Variants in SPIRE1 observed in about 807,000 individuals in gnomAD.
The protein encoded by SPIRE1 is spire type actin nucleation factor 1.
A neutral mutation model predicts 94.1 loss-of-function variants in SPIRE1; 40 were observed. That is an observed-to-expected ratio of 0.43 (90% CI 0.33 to 0.55). The LOEUF is 0.55. Among genes scored for constraint, SPIRE1 ranks in the 20% least tolerant of loss-of-function variants. SPIRE1 has a pLI of 0.06. For missense variants in SPIRE1, 838 were observed against 975.2 expected (o/e 0.86, Z 1.87); for synonymous variants, 376 against 371.7 (o/e 1.01, Z -0.13).
At position 12,450,720 on chromosome 18, in the gene SPIRE1, C is replaced by T. The variant is rs182906878; in HGVS notation, c.2013-824G>A. 2.3e-3 allele frequency: 1,500 copies of T among 657,588 alleles called. 3 individuals carry two copies. Among genetic ancestry groups the T allele is most frequent in the Non-Finnish European group, 3.4e-3 (1,232 of 366,664 alleles). 40.7% of individuals were successfully genotyped at this position (657,588 alleles called of 1,614,324 possible). ...GGCAAGAAGAAGGATCCTAATGCCC[C>T]GAAAAAGCCACCGTCTGGATTCTTC... On this transcript the variant is annotated intron_variant, in intron 16 of 16. Transcript: ENST00000409402.
chr18:12,609,411 A>C (rs2037076354), intron 2 of SPIRE1, among the ~76,000 whole-genome samples: 1 of 151,870 alleles, frequency 6.6e-6, no homozygotes, highest in Non-Finnish European at 1.5e-5. Context: ...GGGAGTACTT[A>C]TAGCACAGAA....
rs1167909612 is a variant in SPIRE1, at chr18:12,576,685, C to T, written c.373-29781G>A. 6.0e-5 allele frequency among the ~76,000 whole-genome samples: 9 copies of T among 150,584 alleles called. No individual in the cohort carries two copies. The South Asian group carries it at 8.3e-4, about 14-fold the overall frequency. ...CGGGCAGATCACGAGGTCAGGAGAT[C>T]GAGACCATCCTGGCTAACACGGTGA... On this transcript the variant is annotated intron_variant, in intron 2 of 16. Coordinates refer to ENST00000409402, the MANE Select transcript of SPIRE1 (RefSeq NM_001128626.2).
chr18:12,548,607 T>TC (rs2035241546), intron 2 of SPIRE1, among the ~76,000 whole-genome samples: 2 of 151,548 alleles, frequency 1.3e-5, no homozygotes, highest in African/African-American at 4.8e-5. Flanking sequence ...TTTCTTTCTT[T>TC]TTTTTTTTTT....
At chr18:12,489,945 A>C (rs2033174515) in intron 8 of SPIRE1, among the ~76,000 whole-genome samples, 1 of 152,208 alleles carries the variant, frequency 6.6e-6, no homozygotes, top group Non-Finnish European at 1.5e-5. Flanking sequence ...CATGTAGGGG[A>C]AAGTGATACA....
chr18:12,508,592 TG>T (rs1444471601), intron 5 of SPIRE1, among the ~76,000 whole-genome samples: 2 of 152,148 alleles, frequency 1.3e-5, no homozygotes, highest in Non-Finnish European at 2.9e-5. Context: ...AGTCTCCCTT[TG>T]GGCTTTAAAT....
chr18:12,549,683 T>C (rs1196752624), intron 2 of SPIRE1, among the ~76,000 whole-genome samples: 1 of 151,858 alleles, frequency 6.6e-6, no homozygotes, highest in East Asian at 1.9e-4. Flanking sequence ...TCTCCTGACC[T>C]CGTGATCCGC....
chr18:12,497,313 T>A (rs73403752), intron 6 of SPIRE1, among the ~76,000 whole-genome samples: 6,506 of 148,964 alleles, frequency 0.044, 151 homozygotes, highest in South Asian at 0.093. Flanking sequence ...TTTTTAGAAA[T>A]TTTTTTTTTA....
intron 1 of SPIRE1, among the ~76,000 whole-genome samples, chr18:12,646,368 T>A (rs1054698540): frequency 6.6e-6 from 1 of 152,192 alleles, no homozygotes; most frequent in Non-Finnish European, 1.5e-5. Context: ...CTGTACTGTG[T>A]TAGTTTCTCC....
intron 2 of SPIRE1, among the ~76,000 whole-genome samples, chr18:12,591,476 C>T (rs751484567): frequency 1.3e-5 from 2 of 152,092 alleles, no homozygotes; most frequent in Admixed American, 6.5e-5. Context: ...TGACACATGA[C>T]GTTACATGAC....
intron 3 of SPIRE1, among the ~76,000 whole-genome samples, chr18:12,539,793 C>T (rs941319306): frequency 1.3e-5 from 2 of 151,374 alleles, no homozygotes; most frequent in Non-Finnish European, 2.9e-5. Flanking sequence ...GACATGGTGG[C>T]GAGTGCACCA....
Position 12,639,654 on chromosome 18 carries a change from C to G in SPIRE1, c.338-4558G>C, listed in dbSNP as rs138760171. 9.0e-3 allele frequency among the ~76,000 whole-genome samples: 1,363 copies of G among 152,106 alleles called. 9 individuals are homozygous for G. Among genetic ancestry groups the G allele is most frequent in the Admixed American group, 0.015 (228 of 15,274 alleles). ...GACTGAGGCAGAGAATTGCTTGAACCCAGGAGGCGGAGGTTGCAGTGAGCA... is the reference window on the plus strand; with the variant it reads ...GACTGAGGCAGAGAATTGCTTGAACGCAGGAGGCGGAGGTTGCAGTGAGCA... On this transcript the variant is annotated intron_variant, in intron 1 of 16. Coordinates refer to ENST00000409402, the MANE Select transcript of SPIRE1 (RefSeq NM_001128626.2).
In SPIRE1 at chr18:12,657,781, G is replaced by A. The variant is rs2038595660; in HGVS notation, c.86C>T (p.Ala29Val). The change falls in exon 1 of 17, where the codon GCC (alanine) becomes GTC (valine). Residue 29 changes from alanine (A) to valine (V), a missense_variant. By Grantham distance (64) the Ala-to-Val change is moderately conservative. Around this residue, in one of 2 missense-constraint regions of SPIRE1, gnomAD observed 193 missense variants for 170.5 expected, o/e 1.13. Coordinates refer to ENST00000409402, the MANE Select transcript of SPIRE1 (RefSeq NM_001128626.2). ...GGEGPREPGA[A>V]GGAAGGSRDA... The stretch of plus-strand genomic sequence containing the variant: ...CCGGGAGCCCCCGGCCGCGCCGCCG[G>A]CTGCCCCGGGCTCCCGCGGCCCCTC... 1.5e-6 allele frequency: 2 copies of A among 1,303,928 alleles called. No homozygotes were observed. Among genetic ancestry groups the A allele is most frequent in the Non-Finnish European group, 9.8e-7 (1 of 1,022,844 alleles). The allele number at this position is 1,303,928 out of a possible 1,614,324, so 80.8% of individuals were successfully genotyped here. A position where few individuals can be genotyped will look rare whatever the true frequency, so the allele number is the denominator to read the frequency against.
chr18:12,600,419 T>C (rs1051260270), intron 2 of SPIRE1, among the ~76,000 whole-genome samples: 1 of 152,246 alleles, frequency 6.6e-6, no homozygotes, highest in Non-Finnish European at 1.5e-5. Context: ...TACTCCGGTA[T>C]ACTATTTTTG....
chr18:12,600,309 G>A (rs2036797520), intron 2 of SPIRE1, among the ~76,000 whole-genome samples: 2 of 152,168 alleles, frequency 1.3e-5, no homozygotes, highest in Admixed American at 6.5e-5. Flanking sequence ...AAATCTGTGA[G>A]ATCATAAATT....
Position 12,510,759 on chromosome 18 carries a change from C to T in SPIRE1, c.807+1695G>A, listed in dbSNP as rs181677057. 3.7e-3 allele frequency among the ~76,000 whole-genome samples: 562 copies of T among 152,146 alleles called. 8 individuals are homozygous for T. The highest frequency in any genetic ancestry group is 0.025 in the Admixed American group (383 of 15,270). ...CTGGCCATGTTGGCCAGGCTGGTCT[C>T]GAACTCCTGACTTCAGGTGATCCGC... On this transcript the variant is annotated intron_variant, in intron 5 of 16. Transcript: ENST00000409402.
In SPIRE1 at chr18:12,557,498, G is replaced by A. The variant is rs1056335684; in HGVS notation, c.373-10594C>T. Among the ~76,000 whole-genome samples the A allele has an allele frequency of 6.6e-5, 10 of 152,126 alleles. No individual in the cohort carries two copies. In the East Asian group the frequency reaches 7.8e-4, roughly 12 times the overall value. ...TCATGCTGGCCCGCGAGCGCCTGGC[G>A]CAGACCCAGTTCCCGCCCACACCTC... On this transcript the variant is annotated intron_variant, in intron 2 of 16. Coordinates refer to ENST00000409402, the MANE Select transcript of SPIRE1 (RefSeq NM_001128626.2).
chr18:12,611,989 C>T (rs985166235), intron 2 of SPIRE1, among the ~76,000 whole-genome samples: 2 of 152,038 alleles, frequency 1.3e-5, no homozygotes, highest in East Asian at 1.9e-4. Context: ...TGTTATGTAG[C>T]AATAGATATC....
At chr18:12,574,539 A>G (rs1292704133) in intron 2 of SPIRE1, among the ~76,000 whole-genome samples, 3 of 152,246 alleles carry the variant, frequency 2.0e-5, no homozygotes, top group Admixed American at 6.5e-5. Flanking sequence ...ACTGGAGGAA[A>G]AAGAGTTTGG....
chr18:12,600,727 T>C (rs1273350047), intron 2 of SPIRE1, among the ~76,000 whole-genome samples: 1 of 152,150 alleles, frequency 6.6e-6, no homozygotes, highest in Non-Finnish European at 1.5e-5. Context: ...ATTATCATTA[T>C]TCTTTTTTTT....
Sources: gnomAD v4.1 joint callset for allele counts (sites outside exome capture counted in the v4.1 genomes callset) on GRCh38, gnomAD v4.1.1 for gene constraint, gnomAD v4.1.1 regional missense constraint, MANE v1.5 for transcripts, NCBI Gene and HGNC (gene_info 2026-07-23, HGNC 2026-07-21) for gene names.